The following IL1RAPL1 variants were observed in gnomAD, a reference collection of about 807,000 sequenced individuals.
IL1RAPL1 encodes the protein interleukin 1 receptor accessory protein like 1, also known as interleukin-1 receptor accessory protein-like 1.
A neutral mutation model predicts 48.4 loss-of-function variants in IL1RAPL1; 3 were observed. The ratio of observed to expected loss-of-function variants is 0.06; its 90% CI spans 0.03 to 0.16. The LOEUF is 0.16. Among genes scored for constraint, IL1RAPL1 ranks in the 10% least tolerant of loss-of-function variants. The pLI is 1.00. For synonymous variants in IL1RAPL1, 185 were observed against 187.7 expected (o/e 0.99, Z 0.12); for missense variants, 349 against 530.6 (o/e 0.66, Z 3.36).
chrX:29,452,699 A>G (rs1397849956), intron 5 of IL1RAPL1, among the ~76,000 whole-genome samples: 1 of 111,268 alleles, frequency 9.0e-6, no homozygotes, highest in African/African-American at 3.3e-5. Context: ...ACAAGAGTAC[A>G]TGCTCAATAA....
chrX:29,481,664 A>T (rs1160617721), intron 5 of IL1RAPL1, among the ~76,000 whole-genome samples: 1 of 111,767 alleles, frequency 8.9e-6, no homozygotes, highest in East Asian at 2.8e-4. Flanking sequence ...TTGTGGGCAG[A>T]GCTGTTAAAT....
At chrX:28,899,242 G>A (rs781448222) in intron 2 of IL1RAPL1, among the ~76,000 whole-genome samples, 4 of 111,231 alleles carry the variant, frequency 3.6e-5, no homozygotes, top group East Asian at 5.7e-4. Flanking sequence ...ACCTCTACCC[G>A]GTCTCTCCTT....
intron 3 of IL1RAPL1, among the ~76,000 whole-genome samples, chrX:29,324,959 A>C (rs902230771): frequency 3.6e-5 from 4 of 112,098 alleles, no homozygotes; most frequent in African/African-American, 1.3e-4. Flanking sequence ...AATATCTTAC[A>C]ATAGCTATTG....
At chrX:29,771,878 C>T (rs763840952) in intron 6 of IL1RAPL1, among the ~76,000 whole-genome samples, 3 of 111,466 alleles carry the variant, frequency 2.7e-5, no homozygotes, top group Admixed American at 9.6e-5. Flanking sequence ...GCCTCACAAT[C>T]GTGGCTGAAG....
intron 1 of IL1RAPL1, among the ~76,000 whole-genome samples, chrX:28,634,388 C>T (rs1282480938): frequency 8.4e-5 from 9 of 107,737 alleles, no homozygotes; most frequent in Non-Finnish European, 1.1e-4. Flanking sequence ...CGTATGTACA[C>T]GTATATACGT....
At chrX:29,931,732 G>A (rs1390471738) in intron 8 of IL1RAPL1, among the ~76,000 whole-genome samples, 10 of 111,920 alleles carry the variant, frequency 8.9e-5, no homozygotes, top group Non-Finnish European at 1.3e-4. Context: ...GGGTTCTTTG[G>A]CCAATCCAAA....
At chrX:29,745,763 A>C (rs2147138260) in intron 6 of IL1RAPL1, among the ~76,000 whole-genome samples, 1 of 110,420 alleles carries the variant, frequency 9.1e-6, no homozygotes, top group East Asian at 2.8e-4. Context: ...TTTAATTTTT[A>C]AGTAGCTTTG....
intron 6 of IL1RAPL1, among the ~76,000 whole-genome samples, chrX:29,799,251 G>A (rs1348585452): frequency 2.7e-5 from 3 of 112,137 alleles, no homozygotes; most frequent in Non-Finnish European, 3.8e-5. Context: ...CAGCTGTTTC[G>A]TTATACTTTT....
At chrX:29,515,506 A>G (rs2061906984) in intron 5 of IL1RAPL1, among the ~76,000 whole-genome samples, 1 of 112,213 alleles carries the variant, frequency 8.9e-6, no homozygotes, top group Non-Finnish European at 1.9e-5. Context: ...GGAATCATAC[A>G]GTTTGTAACC....
chrX:29,086,463 G>A (rs971678236), intron 2 of IL1RAPL1, among the ~76,000 whole-genome samples: 1 of 112,189 alleles, frequency 8.9e-6, no homozygotes, highest in African/African-American at 3.2e-5. Flanking sequence ...ACCATGAAAT[G>A]TCTCAAAAAA....
intron 2 of IL1RAPL1, among the ~76,000 whole-genome samples, chrX:28,969,786 A>G (rs1925009747): frequency 9.2e-6 from 1 of 108,510 alleles, no homozygotes; most frequent in African/African-American, 3.3e-5. Flanking sequence ...GTCTTTGGAT[A>G]GACAATATTT....
At chrX:29,844,082 G>A (rs1434801050) in intron 6 of IL1RAPL1, among the ~76,000 whole-genome samples, 2 of 111,606 alleles carry the variant, frequency 1.8e-5, no homozygotes, top group Non-Finnish European at 3.8e-5. Flanking sequence ...TAAATACTGT[G>A]AATTATTCAG....
At chrX:29,381,833 A>ATATATATAT (rs1556002319) in intron 3 of IL1RAPL1, among the ~76,000 whole-genome samples, 2 of 25,385 alleles carry the variant, frequency 7.9e-5, no homozygotes, top group African/African-American at 2.3e-4. Context: ...AAAAAAAAAA[A>ATATATATAT]ATATATATAT....
intron 3 of IL1RAPL1, among the ~76,000 whole-genome samples, chrX:29,355,544 T>G (rs1229001778): frequency 1.8e-5 from 2 of 112,358 alleles, no homozygotes; most frequent in Admixed American, 9.5e-5. Flanking sequence ...TCTTTTTTCT[T>G]GGGTGTCAGA....
At chrX:29,613,432 G>C (rs1450711975) in intron 5 of IL1RAPL1, among the ~76,000 whole-genome samples, 2 of 110,603 alleles carry the variant, frequency 1.8e-5, no homozygotes, top group Non-Finnish European at 3.8e-5. Context: ...CAATCTCTCA[G>C]CATTTCTTAT....
intron 3 of IL1RAPL1, among the ~76,000 whole-genome samples, chrX:29,332,846 ACTCTTAACGAGCATGCTGC>A (rs1409816113): frequency 2.7e-5 from 3 of 109,353 alleles, no homozygotes; most frequent in Non-Finnish European, 5.7e-5. Context: ...AGTGGTGATG[ACTCTTAACGAGCATGCTGC>A]CTTCAAGCAT....
chrX:28,695,796 T>A (rs1016246450), intron 1 of IL1RAPL1, among the ~76,000 whole-genome samples: 16 of 112,067 alleles, frequency 1.4e-4, no homozygotes, highest in Non-Finnish European at 2.8e-4. Context: ...TTTACACATG[T>A]AAGCTGGGCA....
intron 6 of IL1RAPL1, among the ~76,000 whole-genome samples, chrX:29,816,498 G>C (rs1391192942): frequency 9.1e-6 from 1 of 109,750 alleles, no homozygotes; most frequent in Non-Finnish European, 1.9e-5. Flanking sequence ...GAAGTACAAA[G>C]AAGAGCTGCT....
chrX:29,692,094 T>C (rs933484696), intron 6 of IL1RAPL1, among the ~76,000 whole-genome samples: 3 of 112,130 alleles, frequency 2.7e-5, no homozygotes, highest in Non-Finnish European at 5.6e-5. Context: ...AGCCATCTTA[T>C]ATAAAATATA....
Sources: allele counts gnomAD v4.1 joint callset (sites outside exome capture counted in the v4.1 genomes callset), GRCh38; gene constraint gnomAD v4.1.1; transcripts MANE v1.5; gene names NCBI Gene and HGNC (gene_info 2026-07-23, HGNC 2026-07-21).